Variants in CRISPLD1 observed in about 807,000 individuals in gnomAD.
The protein encoded by CRISPLD1 is cysteine-rich secretory protein LCCL domain-containing 1.
Under a neutral mutation model 77.5 loss-of-function variants are expected in CRISPLD1, and 60 were observed. The ratio of observed to expected loss-of-function variants is 0.77; its 90% confidence interval spans 0.63 to 0.96. CRISPLD1 has a LOEUF of 0.96. CRISPLD1 is among the 40% of genes least tolerant of loss of function. The pLI is 0.00. For missense variants in CRISPLD1, 623 were observed against 615.8 expected, an observed-to-expected ratio of 1.01 and a Z score of -0.12; for synonymous variants, 195 against 200.1, an observed-to-expected ratio of 0.97 and a Z score of 0.22.
Position 75,017,316 on chromosome 8 carries a change from C to G in CRISPLD1, c.997-4C>G. 6.2e-7 allele frequency: 1 copy of G among 1,605,278 alleles called. No individual in the cohort carries two copies. The highest frequency in any genetic ancestry group is 8.5e-7 in the Non-Finnish European group (1 of 1,177,686). Reference sequence around the variant, plus strand: ...CATCTTTTTATCTCCTCCTTTTTTCCAAGCAATCCAGCATCTGTAGAGCTG... The same window carrying G: ...CATCTTTTTATCTCCTCCTTTTTTCGAAGCAATCCAGCATCTGTAGAGCTG... On this transcript the variant is annotated splice_region_variant and splice_polypyrimidine_tract_variant and intron_variant, in intron 9 of 14. Coordinates refer to ENST00000262207, the MANE Select transcript of CRISPLD1 (RefSeq NM_031461.6).
At chr8:74,994,288 T>C (rs1286694919) in intron 2 of CRISPLD1, among the ~76,000 whole-genome samples, 7 of 152,154 alleles carry the variant, frequency 4.6e-5, no homozygotes, top group Admixed American at 4.6e-4. Flanking sequence ...AAATTAATCT[T>C]GAAAAATTCA....
chr8:74,995,995 G>A (rs887318083), intron 2 of CRISPLD1, among the ~76,000 whole-genome samples: 1 of 150,126 alleles, frequency 6.7e-6, no homozygotes, highest in Non-Finnish European at 1.5e-5. Context: ...TTACTAACTC[G>A]AAGCCAAGTG....
chr8:75,028,450 A>G (rs756142120), intron 13 of CRISPLD1, among the ~76,000 whole-genome samples: 1 of 152,182 alleles, frequency 6.6e-6, no homozygotes, highest in Non-Finnish European at 1.5e-5. Context: ...GGCATTTGAC[A>G]TGGATTGCTT....
chr8:75,025,197 A>G (rs575472697), intron 12 of CRISPLD1, among the ~76,000 whole-genome samples: 37 of 152,314 alleles, frequency 2.4e-4, no homozygotes, highest in African/African-American at 8.9e-4. Context: ...GAGGCAGACA[A>G]TGATTCAGAT....
rs28669056 is a variant in CRISPLD1 at position 74,984,824 on chromosome 8, G to A, written c.-159G>A. The A allele has an allele frequency of 0.17, 26,572 of 152,132 alleles. 2,551 individuals are homozygous for A. The highest frequency in any genetic ancestry group is 0.25 in the African/African-American group (10,519 of 41,462). The allele number at this position is 152,132 out of a possible 1,614,324, so 9.4% of individuals were successfully genotyped here. ...GGTGCTCAGGCCCTTCGCGAGCGGGGCTCTCCGTCTGCGGTCCCTTGTGAA... is the reference window on the plus strand; with the variant it reads ...GGTGCTCAGGCCCTTCGCGAGCGGGACTCTCCGTCTGCGGTCCCTTGTGAA... On this transcript the variant is annotated 5_prime_UTR_variant, in exon 1 of 15. Coordinates refer to ENST00000262207, the MANE Select transcript of CRISPLD1 (RefSeq NM_031461.6).
intron 2 of CRISPLD1, among the ~76,000 whole-genome samples, chr8:75,006,120 A>G (rs1812826597): frequency 1.3e-5 from 2 of 152,010 alleles, no homozygotes; most frequent in Non-Finnish European, 2.9e-5. Flanking sequence ...TTTCCTCTGT[A>G]TGTCCATGCA....
Position 75,034,355 on chromosome 8 carries a change from C to T in CRISPLD1, c.*2113C>T, listed in dbSNP as rs1813410172. 1 of 151,990 alleles carries T rather than the reference C, an allele frequency of 6.6e-6. No homozygotes were observed. The highest frequency in any genetic ancestry group is 1.5e-5 in the Non-Finnish European group (1 of 67,904). 9.4% of individuals were successfully genotyped at this position (151,990 alleles called of 1,614,324 possible). ...TAATTGACACATTATGTGTGATGTACTTAAAGGAATAATAAATGCATAATA... is the reference window on the plus strand; with the variant it reads ...TAATTGACACATTATGTGTGATGTATTTAAAGGAATAATAAATGCATAATA... On this transcript the variant is annotated 3_prime_UTR_variant, in exon 15 of 15. Coordinates refer to ENST00000262207, the MANE Select transcript of CRISPLD1 (RefSeq NM_031461.6).
At chr8:75,026,685 T>TA (rs1813241786) in intron 13 of CRISPLD1, 1 of 152,326 alleles carries the variant, frequency 6.6e-6, no homozygotes, top group South Asian at 2.1e-4. Flanking sequence ...GGAAATGTCT[T>TA]ATGCACATAT....
chr8:75,009,341 A>G (rs530853717), intron 2 of CRISPLD1, among the ~76,000 whole-genome samples: 3 of 151,812 alleles, frequency 2.0e-5, no homozygotes, highest in African/African-American at 7.3e-5. Context: ...AAAAAAGAAA[A>G]AAAAAAGAAG....
In CRISPLD1 at chr8:75,014,031, G is replaced by T. The variant is rs749220610; in HGVS notation, c.555G>T (p.Leu185Phe). 2 of 1,613,144 alleles carry T rather than the reference G, an allele frequency of 1.2e-6. No homozygotes were observed. Among genetic ancestry groups the T allele is most frequent in the South Asian group, 2.2e-5 (2 of 91,056 alleles). ...ACAGAATCGGTTGTGCCATTAATTT[G>T]TGTCATAACATGAACATCTGGGGGC... The part of the protein sequence containing the change: ...TSNRIGCAIN[L>F]CHNMNIWGQI... Residue 185 changes from leucine to phenylalanine, a missense_variant, in exon 5 of 15, where the codon TTG becomes TTT. Transcript: ENST00000262207.
At chr8:75,016,746 T>C in intron 7 of CRISPLD1, 41 bp downstream of exon 7, 1 of 1,582,472 alleles carries the variant, frequency 6.3e-7, no homozygotes, top group South Asian at 1.2e-5. Flanking sequence ...TCAAAGTACA[T>C]AAATGGTATA....
intron 2 of CRISPLD1, among the ~76,000 whole-genome samples, chr8:74,995,537 C>T (rs763915945): frequency 6.6e-6 from 1 of 152,120 alleles, no homozygotes; most frequent in South Asian, 2.1e-4. Flanking sequence ...TGCAGTGGCA[C>T]GATCACAGCA....
At chr8:74,991,367 A>G (rs112806104) in intron 2 of CRISPLD1, among the ~76,000 whole-genome samples, 6 of 151,888 alleles carry the variant, frequency 4.0e-5, no homozygotes, top group Non-Finnish European at 7.4e-5. Context: ...CCTCAAACCA[A>G]TCTGCGCTGG....
At position 75,011,240 on chromosome 8, in the gene CRISPLD1, G is replaced by A. The variant is rs962147823; in HGVS notation, c.259-1193G>A. Among the ~76,000 whole-genome samples the A allele has an allele frequency of 1.6e-4, 24 of 150,022 alleles. 1 individual carries two copies. The Middle Eastern group carries it at 0.01, about 65-fold the overall frequency. On this transcript the variant is annotated intron_variant, in intron 2 of 14. Coordinates refer to ENST00000262207, the MANE Select transcript of CRISPLD1 (RefSeq NM_031461.6). ...GCTGCACCCATTAACTCGTCATTTAGCATTAGGTATATCTCCTAATGCTAT... is the reference window on the plus strand; with the variant it reads ...GCTGCACCCATTAACTCGTCATTTAACATTAGGTATATCTCCTAATGCTAT...
At chr8:75,017,615 C>T (rs1813057867) in intron 10 of CRISPLD1, among the ~76,000 whole-genome samples, 165 bp downstream of exon 10, 1 of 152,060 alleles carries the variant, frequency 6.6e-6, no homozygotes, top group African/African-American at 2.4e-5. Flanking sequence ...GAAGATAACG[C>T]ATTTAAGGTC....
At chr8:75,017,557 T>C in intron 10 of CRISPLD1, 107 bp downstream of exon 10, 1 of 1,023,204 alleles carries the variant, frequency 9.8e-7, no homozygotes. Context: ...AGAAAGAATT[T>C]GGTTATTTTC....
intron 2 of CRISPLD1, among the ~76,000 whole-genome samples, chr8:75,010,938 A>T (rs904570109): frequency 6.6e-6 from 1 of 151,908 alleles, no homozygotes; most frequent in Non-Finnish European, 1.5e-5. Flanking sequence ...GTGCCCTCAT[A>T]CATCACCATT....
chr8:75,000,359 T>C (rs986358058), intron 2 of CRISPLD1: 1 of 985,244 alleles, frequency 1.0e-6, no homozygotes, highest in African/African-American at 1.7e-5. Flanking sequence ...GAAACTCCTG[T>C]GTGGAAAGAA....
chr8:75,029,970 G>A (rs1813304671), intron 14 of CRISPLD1, among the ~76,000 whole-genome samples: 1 of 152,000 alleles, frequency 6.6e-6, no homozygotes, highest in South Asian at 2.1e-4. Context: ...TGGATGCCTA[G>A]TGTGATATAA....
Sources: allele counts gnomAD v4.1 joint callset (sites outside exome capture counted in the v4.1 genomes callset), GRCh38; gene constraint gnomAD v4.1.1; transcripts MANE v1.5; gene names NCBI Gene and HGNC (gene_info 2026-07-23, HGNC 2026-07-21).